AGTPBP1: variants seen among roughly 807,000 people sequenced by gnomAD.
AGTPBP1 encodes the protein ATP/GTP binding carboxypeptidase 1, also known as cytosolic carboxypeptidase 1.
Under a neutral mutation model 143.9 loss-of-function variants are expected in AGTPBP1, and 70 were observed. The ratio of observed to expected loss-of-function variants is 0.49; its 90% CI spans 0.40 to 0.59. The LOEUF is 0.59. Ranked by LOEUF, AGTPBP1 falls within the 20% of genes least tolerant of loss-of-function variation. The pLI, the probability that AGTPBP1 is intolerant of heterozygous loss-of-function variation, is 0.00. For synonymous variants in AGTPBP1, 463 were observed against 500.2 expected, an observed-to-expected ratio of 0.93 and a Z score of 0.99; for missense variants, 1,229 against 1,464.5, an observed-to-expected ratio of 0.84 and a Z score of 2.62.
At chr9:85,657,054 T>C (rs1043536094) in intron 10 of AGTPBP1, among the ~76,000 whole-genome samples, 1 of 151,900 alleles carries the variant, frequency 6.6e-6, no homozygotes, top group Non-Finnish European at 1.5e-5. Flanking sequence ...AGGGGAGGGA[T>C]AGCATTGGGA....
chr9:85,684,116 C>T lies in AGTPBP1; in HGVS notation c.158-2781G>A, dbSNP rs554623307. ...TGCTCCTTTCACTTATCTTAGCTCA[C>T]ATCCATCACCATCTGCCCTGCCATA... On this transcript the variant is annotated intron_variant, in intron 3 of 25. Coordinates refer to ENST00000357081, the MANE Select transcript of AGTPBP1 (RefSeq NM_001330701.2). Among the ~76,000 whole-genome samples, 3 of 152,320 alleles carry T rather than the reference C, an allele frequency of 2.0e-5. No homozygotes were observed. In the East Asian group the frequency reaches 5.8e-4, roughly 29 times the overall value.
chr9:85,783,504 A>G, the AGTPBP1 span, among the ~76,000 whole-genome samples: 1 of 152,238 alleles, frequency 6.6e-6, no homozygotes, highest in East Asian at 1.9e-4. Flanking sequence ...ATATAATGAC[A>G]TGAAACAAGG....
chr9:85,753,534 A>T, the AGTPBP1 span: 1 of 1,411,652 alleles, frequency 7.1e-7, no homozygotes, highest in African/African-American at 1.4e-5. Context: ...TGGGTGGATC[A>T]CCTGCGGTCA....
intron 17 of AGTPBP1, 81 bp downstream of exon 17, chr9:85,618,902 T>C: frequency 7.0e-7 from 1 of 1,432,164 alleles, no homozygotes; most frequent in Non-Finnish European, 9.3e-7. Context: ...TTTTAAAAGT[T>C]GACAATTTTT....
chr9:85,628,461 A>G (rs576078029), intron 14 of AGTPBP1, among the ~76,000 whole-genome samples: 1 of 152,336 alleles, frequency 6.6e-6, no homozygotes, highest in South Asian at 2.1e-4. Flanking sequence ...TGATGATGAG[A>G]GACTAGCAAA....
chr9:85,604,595 C>T (rs1829878496), intron 17 of AGTPBP1, among the ~76,000 whole-genome samples: 1 of 152,224 alleles, frequency 6.6e-6, no homozygotes, highest in East Asian at 1.9e-4. Context: ...CCACAAGCAT[C>T]AAGACCATCC....
intron 14 of AGTPBP1, among the ~76,000 whole-genome samples, chr9:85,621,529 T>C (rs1384661447): frequency 7.0e-6 from 1 of 142,742 alleles, no homozygotes; most frequent in Non-Finnish European, 1.5e-5. Flanking sequence ...TCCAATCATT[T>C]AAAAAAAAAA....
chr9:85,677,286 T>C (rs1351448849), intron 6 of AGTPBP1, 150 bp downstream of exon 6: 4 of 678,458 alleles, frequency 5.9e-6, no homozygotes, highest in Admixed American at 7.1e-5. Flanking sequence ...CAAAATATCA[T>C]GTGTACCCCC....
In AGTPBP1 at chr9:85,692,718, G is replaced by T; in HGVS notation, c.128C>A (p.Ser43Ter). Reference sequence around the variant, plus strand: ...ACTCTGAGCCAGATGAAGAATTTTTGATGTAACATATCGGGCAGTGTCTGA... The same window carrying T: ...ACTCTGAGCCAGATGAAGAATTTTTTATGTAACATATCGGGCAGTGTCTGA... ...SESDTARYVTSKILHLAQSQE... is the reference protein window; with the variant it reads ...SESDTARYVT Residue 43 changes from serine to a stop codon, truncating the protein, a stop_gained, in exon 3 of 26, where the codon TCA becomes TAA. Transcript: ENST00000357081. LOFTEE classifies it high-confidence loss of function. The T allele has an allele frequency of 1.2e-6, 2 of 1,613,884 alleles. No homozygotes were observed. Among genetic ancestry groups the T allele is most frequent in the Non-Finnish European group, 1.7e-6 (2 of 1,179,888 alleles).
At chr9:85,703,302 T>C (rs927349779) in intron 2 of AGTPBP1, among the ~76,000 whole-genome samples, 1 of 152,192 alleles carries the variant, frequency 6.6e-6, no homozygotes, top group Admixed American at 6.5e-5. Context: ...AGTTTAGATA[T>C]ACAATTTTTA....
At chr9:85,687,060 A>G (rs1478414718) in intron 3 of AGTPBP1, among the ~76,000 whole-genome samples, 1 of 152,202 alleles carries the variant, frequency 6.6e-6, no homozygotes, top group Non-Finnish European at 1.5e-5. Context: ...ATATGCAAAG[A>G]GTAATAATCA....
intron 25 of AGTPBP1, among the ~76,000 whole-genome samples, chr9:85,570,268 A>T (rs1406668969): frequency 6.6e-6 from 1 of 152,194 alleles, no homozygotes; most frequent in Non-Finnish European, 1.5e-5. Context: ...TTTAAAATTT[A>T]TGAATTGTTT....
At chr9:85,715,736 G>A (rs79634858) in intron 1 of AGTPBP1, among the ~76,000 whole-genome samples, 10,906 of 152,164 alleles carry the variant, frequency 0.072, 560 homozygotes, top group Non-Finnish European at 0.11. Flanking sequence ...AAAATCTTGC[G>A]AAAGCTTGTG....
intron 17 of AGTPBP1, among the ~76,000 whole-genome samples, chr9:85,615,600 TAA>T (rs1377258275): frequency 6.6e-6 from 1 of 152,052 alleles, no homozygotes; most frequent in Non-Finnish European, 1.5e-5. Context: ...CCCAAATCTG[TAA>T]AAGAGTAAAA....
intron 14 of AGTPBP1, among the ~76,000 whole-genome samples, chr9:85,631,888 T>A (rs1414439940): frequency 6.6e-6 from 1 of 152,178 alleles, no homozygotes; most frequent in Non-Finnish European, 1.5e-5. Context: ...TCATTGGCAA[T>A]ATTTAATATC....
At chr9:85,654,335 T>C (rs544655393) in intron 11 of AGTPBP1, among the ~76,000 whole-genome samples, 1 of 152,174 alleles carries the variant, frequency 6.6e-6, no homozygotes, top group Non-Finnish European at 1.5e-5. Context: ...TACAGTATTA[T>C]ATGGAAAATG....
chr9:85,572,046 A>G (rs1314225579), intron 25 of AGTPBP1, among the ~76,000 whole-genome samples: 3 of 30,282 alleles, frequency 9.9e-5, no homozygotes, highest in South Asian at 8.6e-4. Context: ...TTTTTTTTTG[A>G]GGCACAGTTT....
chr9:85,684,978 TA>T (rs34613140), intron 3 of AGTPBP1, among the ~76,000 whole-genome samples: 9,315 of 140,246 alleles, frequency 0.066, 367 homozygotes, highest in Non-Finnish European at 0.095. Context: ...CACTTGAGAA[TA>T]AAAAAAAAAA....
chr9:85,621,163 A>G, intron 15 of AGTPBP1, 39 bp downstream of exon 15: 2 of 1,189,306 alleles, frequency 1.7e-6, no homozygotes, highest in Non-Finnish European at 2.3e-6. Context: ...TTATAGAAAA[A>G]CTTAAAACTA....
Sources: gnomAD v4.1 joint callset for allele counts (sites outside exome capture counted in the v4.1 genomes callset) on GRCh38, gnomAD v4.1.1 for gene constraint, MANE v1.5 for transcripts, NCBI Gene and HGNC (gene_info 2026-07-23, HGNC 2026-07-21) for gene names.